IL3RA: variants seen among roughly 807,000 people sequenced by gnomAD.
IL3RA encodes the protein interleukin 3 receptor subunit alpha.
Under a neutral mutation model 52.3 loss-of-function variants are expected in IL3RA, and 73 were observed. The observed-to-expected ratio is 1.40, with a 90% CI of 1.16 to 1.70. The LOEUF is 1.70. Among genes scored for constraint, IL3RA ranks in the 40% most tolerant of loss-of-function variants. The probability of loss-of-function intolerance (pLI) is 0.00; values close to 1 mark genes in which losing one functional copy is unlikely to be tolerated. For missense variants in IL3RA, 664 were observed against 504.4 expected, an observed-to-expected ratio of 1.32 and a Z score of -3.03; for synonymous variants, 260 against 194.0, an observed-to-expected ratio of 1.34 and a Z score of -2.83.
intron 1 of IL3RA, among the ~76,000 whole-genome samples, chrX:1,340,563 CACAT>C (rs1196139159): frequency 4.0e-5 from 6 of 150,118 alleles, no homozygotes; most frequent in South Asian, 2.1e-4. Context: ...CATGCATGCA[CACAT>C]ACAGACTCAT....
chrX:1,345,548 GACC>G, intron 3 of IL3RA, 114 bp downstream of exon 3: 1 of 639,130 alleles, frequency 1.6e-6, no homozygotes, highest in Non-Finnish European at 2.4e-6. Flanking sequence ...GGACTGCGGT[GACC>G]CGATCTCCGC....
At chrX:1,343,730 C>T (rs1369716376) in intron 2 of IL3RA, among the ~76,000 whole-genome samples, 1 of 147,412 alleles carries the variant, frequency 6.8e-6, no homozygotes, top group African/African-American at 2.5e-5. Flanking sequence ...TATGAAATAT[C>T]TTGAGCTCTG....
chrX:1,378,652 C>T lies in IL3RA; in HGVS notation c.875-7C>T, dbSNP rs1171478973. 6.8e-6 allele frequency: 11 copies of T among 1,611,042 alleles called. No homozygotes were observed. The highest frequency in any genetic ancestry group is 2.7e-5 in the African/African-American group (2 of 74,862). ...CGGTCTGTGACCCTCTCACCCTTTACCCCTAGAGTGCGACCAGGAGGAGGG... is the reference window on the plus strand; with the variant it reads ...CGGTCTGTGACCCTCTCACCCTTTATCCCTAGAGTGCGACCAGGAGGAGGG... On this transcript the variant is annotated splice_polypyrimidine_tract_variant and splice_region_variant and intron_variant, in intron 9 of 11. Coordinates refer to ENST00000331035, the MANE Select transcript of IL3RA (RefSeq NM_002183.4).
Position 1,353,664 on chromosome X carries a change from A to C in IL3RA, c.616+1158A>C, listed in dbSNP as rs868160439. On this transcript the variant is annotated intron_variant, in intron 6 of 11. Transcript: ENST00000331035. ...CATGGGTTCCATCACGGGTCATGGGACCCCCCCCATCATGGGTTCCATCAC... is the reference window on the plus strand; with the variant it reads ...CATGGGTTCCATCACGGGTCATGGGCCCCCCCCCATCATGGGTTCCATCAC... 2.7e-4 allele frequency among the ~76,000 whole-genome samples: 6 copies of C among 22,124 alleles called. 1 individual carries two copies. Among genetic ancestry groups the C allele is most frequent in the Admixed American group, 8.1e-4 (2 of 2,464 alleles). The allele number at this position is 22,124 out of a possible 152,430, so 14.5% of individuals were successfully genotyped here. A position where few individuals can be genotyped will look rare whatever the true frequency, so the allele number is the denominator to read the frequency against.
intron 1 of IL3RA, among the ~76,000 whole-genome samples, chrX:1,337,350 C>T (rs188460180): frequency 2.6e-5 from 4 of 152,156 alleles, no homozygotes; most frequent in East Asian, 1.9e-4. Flanking sequence ...GACTGCCAGC[C>T]GGGGAGCCGC....
At chrX:1,349,078 G>C (rs1431111952) in intron 4 of IL3RA, among the ~76,000 whole-genome samples, 1 of 150,268 alleles carries the variant, frequency 6.7e-6, no homozygotes, top group Non-Finnish European at 1.5e-5. Context: ...TGCAATCACA[G>C]CTTACTGCAG....
chrX:1,348,398 T>C lies in IL3RA; in HGVS notation c.184-33T>C, dbSNP rs1177650671. On this transcript the variant is annotated intron_variant, in intron 3 of 11. Transcript: ENST00000331035. ...TTAGCGTCAAATTAAGCATGGTCTG[T>C]CAGCAGCCATCATAGTCCTATGTCT... 3.3e-6 allele frequency: 5 copies of C among 1,498,606 alleles called. No individual in the cohort carries two copies. The Admixed American group carries it at 5.0e-5, about 15-fold the overall frequency. The allele number at this position is 1,498,606 out of a possible 1,614,324, so 92.8% of individuals were successfully genotyped here. A position where few individuals can be genotyped will look rare whatever the true frequency, so the allele number is the denominator to read the frequency against.
At chrX:1,353,267 C>G (rs1352586623) in intron 6 of IL3RA, among the ~76,000 whole-genome samples, 1 of 146,948 alleles carries the variant, frequency 6.8e-6, no homozygotes, top group East Asian at 2.1e-4. Flanking sequence ...GATCCCTTAT[C>G]ATGGATTCCA....
chrX:1,339,612 T>C (rs1359982010), intron 1 of IL3RA, among the ~76,000 whole-genome samples: 1 of 151,886 alleles, frequency 6.6e-6, no homozygotes, highest in Middle Eastern at 3.2e-3. Flanking sequence ...ACCAACATGG[T>C]GAAACACCAT....
Position 1,352,013 on chromosome X carries a change from C to T in IL3RA, c.299-87C>T, listed in dbSNP as rs1312293781. ...CTCCTGACCTCATGTGATCCACCCG[C>T]CTCGGCCTCCCAAAATGCTGGGGTG... On this transcript the variant is annotated intron_variant, in intron 4 of 11. Transcript: ENST00000331035. 17 of 1,522,206 alleles carry T rather than the reference C, an allele frequency of 1.1e-5. No individual in the cohort carries two copies. In the East Asian group the frequency reaches 3.5e-4, roughly 31 times the overall value. 94.3% of individuals were successfully genotyped at this position (1,522,206 alleles called of 1,614,324 possible). A position where few individuals can be genotyped will look rare whatever the true frequency, so the allele number is the denominator to read the frequency against.
chrX:1,356,677 CAGG>C (rs1352229783), intron 7 of IL3RA, among the ~76,000 whole-genome samples: 44 of 151,212 alleles, frequency 2.9e-4, no homozygotes, highest in Non-Finnish European at 1.5e-5. Context: ...GAGGCCGAGG[CAGG>C]AGAATTGCTT....
intron 3 of IL3RA, among the ~76,000 whole-genome samples, chrX:1,347,991 C>T (rs17881108): frequency 0.053 from 7,590 of 144,018 alleles, 281 homozygotes; most frequent in Non-Finnish European, 0.083. Flanking sequence ...GAGCCGAGAT[C>T]GCGCCCCTGC....
rs1294918166 is a variant in IL3RA, at chrX:1,382,596, G to A, written c.*131G>A. 4 of 791,840 alleles carry A rather than the reference G, an allele frequency of 5.1e-6. No homozygotes were observed. Among genetic ancestry groups the A allele is most frequent in the Non-Finnish European group, 8.8e-6 (4 of 452,282 alleles). 49.1% of individuals were successfully genotyped at this position (791,840 alleles called of 1,614,324 possible). ...TTCCTAACGGGTGGTGGGCATGGGAGATGCCTGTGTAATTTCGTCCGAAGC... is the reference window on the plus strand; with the variant it reads ...TTCCTAACGGGTGGTGGGCATGGGAAATGCCTGTGTAATTTCGTCCGAAGC... On this transcript the variant is annotated 3_prime_UTR_variant, in exon 12 of 12. Coordinates refer to ENST00000331035, the MANE Select transcript of IL3RA (RefSeq NM_002183.4).
intron 9 of IL3RA, among the ~76,000 whole-genome samples, chrX:1,368,830 T>G: frequency 1.7e-5 from 1 of 60,490 alleles, no homozygotes; most frequent in East Asian, 4.1e-4. Context: ...GTGTTTTGTT[T>G]CTAAGCCGCC....
chrX:1,355,679 A>C (rs1402125546), intron 6 of IL3RA, among the ~76,000 whole-genome samples: 1 of 151,912 alleles, frequency 6.6e-6, no homozygotes, highest in Non-Finnish European at 1.5e-5. Context: ...GTGAGAAGCC[A>C]GGCAGGGGCC....
In IL3RA at chrX:1,358,906, C is replaced by G. The variant is rs747341087; in HGVS notation, c.759+19C>G. The G allele has an allele frequency of 6.2e-7, 1 of 1,608,462 alleles. No individual in the cohort carries two copies. The highest frequency in any genetic ancestry group is 8.5e-7 in the Non-Finnish European group (1 of 1,176,864). On this transcript the variant is annotated intron_variant, in intron 8 of 11. Coordinates refer to ENST00000331035, the MANE Select transcript of IL3RA (RefSeq NM_002183.4). ...AGAACAGGTGAGTGTTCCCTACCCCCAGCCGCTGTACTTGACATTGCAAAG... is the reference window on the plus strand; with the variant it reads ...AGAACAGGTGAGTGTTCCCTACCCCGAGCCGCTGTACTTGACATTGCAAAG...
chrX:1,377,860 G>A (rs1164049943), intron 9 of IL3RA, among the ~76,000 whole-genome samples: 4 of 142,860 alleles, frequency 2.8e-5, no homozygotes, highest in African/African-American at 5.4e-5. Flanking sequence ...ACTGCAGAGC[G>A]AGACTCTGTC....
Position 1,352,096 on chromosome X carries a change from C to G in IL3RA, c.299-4C>G, listed in dbSNP as rs764695126. The G allele has an allele frequency of 5.0e-6, 8 of 1,613,344 alleles. No homozygotes were observed. The highest frequency in any genetic ancestry group is 1.3e-5 in the African/African-American group (1 of 74,906). On this transcript the variant is annotated splice_polypyrimidine_tract_variant and splice_region_variant and intron_variant, in intron 4 of 11. Coordinates refer to ENST00000331035, the MANE Select transcript of IL3RA (RefSeq NM_002183.4). ...CGAGTTCTCTTTCATGTTTGTGAAC[C>G]CAGGTGGGAAGCCTTGGGCAGGTGC...
Position 1,382,531 on chromosome X carries a change from A to C in IL3RA, c.*66A>C. The C allele has an allele frequency of 1.4e-6, 2 of 1,445,916 alleles. No homozygotes were observed. Among genetic ancestry groups the C allele is most frequent in the East Asian group, 2.3e-5 (1 of 44,104 alleles). 89.6% of individuals were successfully genotyped at this position (1,445,916 alleles called of 1,614,324 possible). Reference sequence around the variant, plus strand: ...CTGGCCGGGCCAGGCGCCTGCACAGACTGGCTGCTGGACCTGCGCACGCAG... The same window carrying C: ...CTGGCCGGGCCAGGCGCCTGCACAGCCTGGCTGCTGGACCTGCGCACGCAG... On this transcript the variant is annotated 3_prime_UTR_variant, in exon 12 of 12. Transcript: ENST00000331035.
Sources: gnomAD v4.1 joint callset for allele counts (sites outside exome capture counted in the v4.1 genomes callset) on GRCh38, gnomAD v4.1.1 for gene constraint, MANE v1.5 for transcripts, NCBI Gene and HGNC (gene_info 2026-07-23, HGNC 2026-07-21) for gene names.